PTP4A3: variants seen among roughly 807,000 people sequenced by gnomAD.
PTP4A3 encodes the protein protein tyrosine phosphatase 4A3, also known as protein tyrosine phosphatase type IVA 3.
Under a neutral mutation model 15.2 loss-of-function variants are expected in PTP4A3, and 9 were observed. The ratio of observed to expected loss-of-function variants is 0.59; its 90% CI spans 0.36 to 1.03. The LOEUF (loss-of-function observed/expected upper bound fraction) is 1.03. Ranked by LOEUF, PTP4A3 falls within the 50% of genes least tolerant of loss-of-function variation. The pLI is 0.02. For synonymous variants in PTP4A3, 95 were observed against 102.0 expected (o/e 0.93, Z 0.41); for missense variants, 234 against 252.1 (o/e 0.93, Z 0.49).
chr8:141,397,414 G>T (rs1157790977), intron 1 of PTP4A3, among the ~76,000 whole-genome samples: 1 of 150,344 alleles, frequency 6.7e-6, no homozygotes, highest in Non-Finnish European at 1.5e-5. Context: ...CTGGGTTGGG[G>T]TTGGGTGGGA....
chr8:141,398,515 G>A (rs958216877), intron 1 of PTP4A3, among the ~76,000 whole-genome samples: 4 of 152,188 alleles, frequency 2.6e-5, no homozygotes, highest in Non-Finnish European at 4.4e-5. Flanking sequence ...GTGAGGTGGA[G>A]CAGGGCCTGC....
At chr8:141,417,716 GC>G (rs908074522) in intron 1 of PTP4A3, among the ~76,000 whole-genome samples, 4 of 151,990 alleles carry the variant, frequency 2.6e-5, no homozygotes, top group African/African-American at 4.8e-5. Context: ...CCCTCGCCGC[GC>G]CCCGCACTTC....
At chr8:141,409,814 C>A (rs1189562989) in intron 1 of PTP4A3, among the ~76,000 whole-genome samples, 1 of 152,238 alleles carries the variant, frequency 6.6e-6, no homozygotes, top group East Asian at 1.9e-4. Context: ...ACCCAGGCCC[C>A]CTCCTGCCCT....
chr8:141,398,853 C>G (rs985063588), intron 1 of PTP4A3, among the ~76,000 whole-genome samples: 2 of 152,092 alleles, frequency 1.3e-5, no homozygotes, highest in Non-Finnish European at 2.9e-5. Context: ...CCCCTAGTCC[C>G]TCTGGGGAGC....
intron 2 of PTP4A3, among the ~76,000 whole-genome samples, chr8:141,422,716 C>T (rs1426886953): frequency 6.6e-6 from 1 of 152,302 alleles, no homozygotes; most frequent in South Asian, 2.1e-4. Context: ...TTTGCTGTCC[C>T]AGATGTTGCT....
Position 141,427,696 on chromosome 8 carries a change from A to C in PTP4A3, c.330-54A>C, listed in dbSNP as rs1251527383. On this transcript the variant is annotated intron_variant, in intron 4 of 5. Coordinates refer to ENST00000521578, the MANE Select transcript of PTP4A3 (RefSeq NM_032611.3). The stretch of plus-strand genomic sequence containing the variant: ...TGCATCTTCAGCAGGTGCCCTGCCA[A>C]GGGGACAGGGGTGCGCAGGCTCCGA... 7 of 1,465,678 alleles carry C rather than the reference A, an allele frequency of 4.8e-6. No homozygotes were observed. In the African/African-American group the frequency reaches 9.9e-5, roughly 21 times the overall value. The allele number at this position is 1,465,678 out of a possible 1,614,324, so 90.8% of individuals were successfully genotyped here.
In PTP4A3 at chr8:141,431,180, C is replaced by G. The variant is rs914168720; in HGVS notation, c.*136C>G. 6.1e-5 allele frequency: 48 copies of G among 788,540 alleles called. No individual in the cohort carries two copies. The highest frequency in any genetic ancestry group is 9.4e-5 in the Non-Finnish European group (45 of 477,796). The allele number at this position is 788,540 out of a possible 1,614,324, so 48.8% of individuals were successfully genotyped here. ...TGGCCCCACATCGCCTTTTCCTCCC[C>G]GACACCTCCGTGCACTTGTGTCCGA... On this transcript the variant is annotated 3_prime_UTR_variant, in exon 6 of 6. Coordinates refer to ENST00000521578, the MANE Select transcript of PTP4A3 (RefSeq NM_032611.3).
chr8:141,400,339 A>G (rs985662713), intron 1 of PTP4A3, among the ~76,000 whole-genome samples: 3 of 152,216 alleles, frequency 2.0e-5, no homozygotes, highest in Non-Finnish European at 4.4e-5. Flanking sequence ...TTAGACACAC[A>G]TTTGGTGATG....
Position 141,423,035 on chromosome 8 carries a change from G to A in PTP4A3, c.105+690G>A, listed in dbSNP as rs115782559. Reference sequence around the variant, plus strand: ...GTTTGCAGCGTCTGCAGTTGTGTGCGGGGCCGTTGACAGAGCCTCTGACTG... The same window carrying A: ...GTTTGCAGCGTCTGCAGTTGTGTGCAGGGCCGTTGACAGAGCCTCTGACTG... On this transcript the variant is annotated intron_variant, in intron 2 of 5. Coordinates refer to ENST00000521578, the MANE Select transcript of PTP4A3 (RefSeq NM_032611.3). Among the ~76,000 whole-genome samples the A allele has an allele frequency of 6.4e-3, 975 of 152,346 alleles. 10 individuals carry two copies. Among genetic ancestry groups the A allele is most frequent in the African/African-American group, 0.022 (909 of 41,570 alleles).
chr8:141,425,062 C>A lies in PTP4A3; in HGVS notation c.120C>A (p.Tyr40Ter). The change falls in exon 3 of 6, where the codon TAC becomes TAA. Residue 40 changes from tyrosine (Y) to a stop codon, truncating the protein, a stop_gained. Coordinates refer to ENST00000521578, the MANE Select transcript of PTP4A3 (RefSeq NM_032611.3). LOFTEE classifies it high-confidence loss of function. The surrounding 1 kb of genome is among the most constrained non-coding windows in gnomAD (Gnocchi z 4.2). ...CCCACCCCCAGGACCTGAAGAAGTA[C>A]GGGGCTACCACTGTGGTGCGTGTGT... is the stretch of plus-strand genomic sequence containing the variant. Reference protein sequence around the residue: ...LSTFIEDLKKYGATTVVRVCE... With the variant: ...LSTFIEDLKK 1 of 1,613,054 alleles carries A rather than the reference C, an allele frequency of 6.2e-7. No homozygotes were observed. The highest frequency in any genetic ancestry group is 8.5e-7 in the Non-Finnish European group (1 of 1,179,722).
At chr8:141,399,872 G>A (rs1832542312) in intron 1 of PTP4A3, among the ~76,000 whole-genome samples, 1 of 152,236 alleles carries the variant, frequency 6.6e-6, no homozygotes, top group African/African-American at 2.4e-5. Flanking sequence ...ACATGGGGGA[G>A]AGGCGACATT....
chr8:141,410,290 G>C (rs1388062918), intron 1 of PTP4A3, among the ~76,000 whole-genome samples: 1 of 152,266 alleles, frequency 6.6e-6, no homozygotes, highest in South Asian at 2.1e-4. Context: ...GAGTTGCCAA[G>C]GTGGGGTTCG....
intron 1 of PTP4A3, among the ~76,000 whole-genome samples, chr8:141,408,154 C>T (rs1028612620): frequency 6.6e-6 from 1 of 152,080 alleles, no homozygotes; most frequent in Non-Finnish European, 1.5e-5. Flanking sequence ...AGCAAATGTC[C>T]TGAACAGGCA....
At chr8:141,393,637 C>G (rs1014491826) in intron 1 of PTP4A3, among the ~76,000 whole-genome samples, 1 of 152,234 alleles carries the variant, frequency 6.6e-6, no homozygotes. Flanking sequence ...AGGTGGTTTC[C>G]TCAGCTGCCT....
At chr8:141,398,263 A>G (rs900157099) in intron 1 of PTP4A3, among the ~76,000 whole-genome samples, 3 of 152,168 alleles carry the variant, frequency 2.0e-5, no homozygotes, top group African/African-American at 4.8e-5. Flanking sequence ...TGCACTTGCC[A>G]ATAAGAGGCT....
rs1833539086 is a variant in PTP4A3 at position 141,425,698 on chromosome 8, G to GC, written c.198+564dup. Among the ~76,000 whole-genome samples, 1 of 152,112 alleles carries GC rather than the reference G, an allele frequency of 6.6e-6. No homozygotes were observed. The highest frequency in any genetic ancestry group is 1.5e-5 in the Non-Finnish European group (1 of 67,972). The stretch of plus-strand genomic sequence containing the variant: ...TCCACCCCCGGCCCGGTGGACGACT[G>GC]CCCCCCTGGTGCAGGCCTGCCCAGC... On this transcript the variant is annotated intron_variant, in intron 3 of 5. Coordinates refer to ENST00000521578, the MANE Select transcript of PTP4A3 (RefSeq NM_032611.3). The surrounding 1 kb of genome is among the most constrained non-coding windows in gnomAD (Gnocchi z 4.2).
intron 2 of PTP4A3, among the ~76,000 whole-genome samples, chr8:141,424,279 G>T (rs530046655): frequency 2.6e-5 from 4 of 152,156 alleles, no homozygotes; most frequent in Non-Finnish European, 5.9e-5. Flanking sequence ...GCCCCCGCAC[G>T]TGACCCCTGT....
intron 1 of PTP4A3, among the ~76,000 whole-genome samples, chr8:141,413,522 A>G (rs1279204731): frequency 6.6e-6 from 1 of 152,214 alleles, no homozygotes; most frequent in African/African-American, 2.4e-5. Context: ...CTCCAGAGCG[A>G]CTGGCTCTTA....
chr8:141,409,969 G>A (rs1189630802), intron 1 of PTP4A3, among the ~76,000 whole-genome samples: 10 of 152,220 alleles, frequency 6.6e-5, no homozygotes, highest in Admixed American at 6.5e-4. Context: ...GCCTGCAGCC[G>A]GGAGCTAAAC....
Sources: gnomAD v4.1 joint callset for allele counts (sites outside exome capture counted in the v4.1 genomes callset) on GRCh38, gnomAD v4.1.1 for gene constraint, Gnocchi (gnomAD v3.1) non-coding constraint, MANE v1.5 for transcripts, NCBI Gene and HGNC (gene_info 2026-07-23, HGNC 2026-07-21) for gene names.